ATF2: variants seen among roughly 807,000 people sequenced by gnomAD.
ATF2 encodes the protein cyclic AMP-dependent transcription factor ATF-2.
ATF2 carries 24 observed loss-of-function variants against 60.6 expected under a neutral mutation model. The ratio of observed to expected loss-of-function variants is 0.40; its 90% CI spans 0.29 to 0.56. ATF2 has a LOEUF of 0.56. ATF2 is among the 20% of genes least tolerant of loss of function. The pLI is 0.54. For synonymous variants in ATF2, 206 were observed against 215.4 expected, an observed-to-expected ratio of 0.96 and a Z score of 0.38; for missense variants, 433 against 607.7, an observed-to-expected ratio of 0.71 and a Z score of 3.02.
At chr2:175,077,650 G>A (rs1006890738) in intron 13 of ATF2, among the ~76,000 whole-genome samples, 4 of 152,148 alleles carry the variant, frequency 2.6e-5, no homozygotes, top group African/African-American at 9.7e-5. Flanking sequence ...AAATGAAACA[G>A]TAAATTATAA....
intron 1 of ATF2, among the ~76,000 whole-genome samples, chr2:175,159,987 T>C (rs570637751): frequency 1.3e-4 from 20 of 152,256 alleles, no homozygotes; most frequent in Admixed American, 9.8e-4. Flanking sequence ...AAAAAGAAAA[T>C]AGAAATAGAA....
intron 2 of ATF2, among the ~76,000 whole-genome samples, chr2:175,143,849 G>C (rs1274012466): frequency 2.0e-5 from 3 of 152,088 alleles, no homozygotes; most frequent in African/African-American, 7.2e-5. Flanking sequence ...CTGGAGTGCA[G>C]TGGCATGATC....
At chr2:175,135,394 A>C (rs78445957) in intron 3 of ATF2, among the ~76,000 whole-genome samples, 6,108 of 152,302 alleles carry the variant, frequency 0.04, 399 homozygotes, top group African/African-American at 0.14. Flanking sequence ...AGACAGAAAA[A>C]GAAGTTAAAC....
intron 4 of ATF2, among the ~76,000 whole-genome samples, chr2:175,124,095 G>A (rs56208854): frequency 0.91 from 137,587 of 151,784 alleles, 62,383 homozygotes; most frequent in East Asian, 1. Flanking sequence ...TATATTCCAA[G>A]AATAAGTTTT....
chr2:175,166,216 A>C (rs921131135), intron 1 of ATF2, among the ~76,000 whole-genome samples: 1 of 152,218 alleles, frequency 6.6e-6, no homozygotes, highest in Admixed American at 6.5e-5. Context: ...CTAAGTTCTA[A>C]ATTTCCACGA....
chr2:175,076,045 A>G (rs909375716), intron 13 of ATF2, among the ~76,000 whole-genome samples: 13 of 152,160 alleles, frequency 8.5e-5, no homozygotes, highest in Non-Finnish European at 1.8e-4. Context: ...CTGAAAGTCA[A>G]TTAGTGAAAA....
Position 175,074,389 on chromosome 2 carries a change from A to G in ATF2, c.*220T>C, listed in dbSNP as rs1251975844. On this transcript the variant is annotated 3_prime_UTR_variant, in exon 14 of 14. Coordinates refer to ENST00000264110, the MANE Select transcript of ATF2 (RefSeq NM_001880.4). Reference sequence around the variant, plus strand: ...CACAGAAAAATTAATAAATCTAATAATATTTATAAAAAAAGCAAAATCAGT... The same window carrying G: ...CACAGAAAAATTAATAAATCTAATAGTATTTATAAAAAAAGCAAAATCAGT... The G allele has an allele frequency of 2.7e-6, 1 of 366,964 alleles. No individual in the cohort carries two copies. Among genetic ancestry groups the G allele is most frequent in the Non-Finnish European group, 4.8e-6 (1 of 207,562 alleles). 22.7% of individuals were successfully genotyped at this position (366,964 alleles called of 1,614,324 possible). A position where few individuals can be genotyped will look rare whatever the true frequency, so the allele number is the denominator to read the frequency against.
At chr2:175,095,187 T>C (rs936987843) in intron 11 of ATF2, among the ~76,000 whole-genome samples, 7 of 151,948 alleles carry the variant, frequency 4.6e-5, no homozygotes, top group Non-Finnish European at 7.4e-5. Flanking sequence ...AACTTCCGCC[T>C]CCTGGGTTCC....
intron 4 of ATF2, among the ~76,000 whole-genome samples, chr2:175,127,405 A>G (rs1477000931): frequency 3.3e-5 from 5 of 152,094 alleles, no homozygotes; most frequent in Admixed American, 2.6e-4. Flanking sequence ...TCTCCAAAAC[A>G]TATGTCAAAT....
chr2:175,159,495 C>G (rs966180477), intron 1 of ATF2, among the ~76,000 whole-genome samples: 2 of 152,064 alleles, frequency 1.3e-5, no homozygotes, highest in Non-Finnish European at 2.9e-5. Flanking sequence ...CCCCCACTCA[C>G]AGCAGACATG....
chr2:175,128,223 G>A (rs534366806), intron 4 of ATF2, among the ~76,000 whole-genome samples: 43 of 152,316 alleles, frequency 2.8e-4, no homozygotes, highest in Non-Finnish European at 5.7e-4. Context: ...TCAACTGGCT[G>A]GGCGCGGTGG....
rs374209334 is a variant in ATF2 at position 175,105,106 on chromosome 2, T to G, written c.828+6462A>C. On this transcript the variant is annotated intron_variant, in intron 10 of 13. Coordinates refer to ENST00000264110, the MANE Select transcript of ATF2 (RefSeq NM_001880.4). ...GAATTATTGAGTACATAGCTTTACATGTATATAGCTTAGCGTGTTTAAGAT... is the reference window on the plus strand; with the variant it reads ...GAATTATTGAGTACATAGCTTTACAGGTATATAGCTTAGCGTGTTTAAGAT... Among the ~76,000 whole-genome samples the G allele has an allele frequency of 3.9e-5, 6 of 152,196 alleles. No individual in the cohort carries two copies. In the East Asian group the frequency reaches 1.2e-3, roughly 29 times the overall value.
intron 12 of ATF2, among the ~76,000 whole-genome samples, chr2:175,082,388 C>A (rs1456585298): frequency 6.6e-5 from 10 of 152,166 alleles, no homozygotes; most frequent in Admixed American, 5.2e-4. Flanking sequence ...TTAGGAAACA[C>A]CTTCTCCAAC....
At chr2:175,141,524 G>A (rs1221841839) in intron 2 of ATF2, among the ~76,000 whole-genome samples, 3 of 151,486 alleles carry the variant, frequency 2.0e-5, no homozygotes, top group Admixed American at 1.3e-4. Flanking sequence ...ACGGAGTCTC[G>A]CTCTGTCGTC....
chr2:175,142,708 AGAGAGAGAGAGAGTGT>A (rs1053385333), intron 2 of ATF2, among the ~76,000 whole-genome samples: 6 of 126,936 alleles, frequency 4.7e-5, no homozygotes, highest in Admixed American at 1.9e-4. Flanking sequence ...AGAGAGAGAG[AGAGAGAGAGAGAGTGT>A]GTGTGTGTGT....
In ATF2 at chr2:175,130,138, C is replaced by T. The variant is rs943481632; in HGVS notation, c.102G>A (p.Gln34=). The part of the protein sequence containing the change: ...PFLCTAPGCG[Q]RFTNEDHLAV... ...TAATTTAAAGTAATTTATATATTAC[C>T]TGGCCACATCCAGGCGCAGTACATA... Residue 34 remains glutamine, a splice_region_variant and synonymous_variant, in exon 4 of 14, where the codon CAG becomes CAA. Coordinates refer to ENST00000264110, the MANE Select transcript of ATF2 (RefSeq NM_001880.4). 2.5e-6 allele frequency: 4 copies of T among 1,577,248 alleles called. No individual in the cohort carries two copies. The highest frequency in any genetic ancestry group is 1.8e-5 in the Admixed American group (1 of 56,054).
rs1574485730 is a variant in ATF2 at position 175,149,379 on chromosome 2, C to A, written c.-44+1681G>T. On this transcript the variant is annotated intron_variant, in intron 2 of 13. Transcript: ENST00000264110. ...TCAGTCTCCCAGTCTCCCACTCCCC[C>A]ATTAAAGAAAAAGTTTGTCTAACTC... is the stretch of plus-strand genomic sequence containing the variant. Among the ~76,000 whole-genome samples the A allele has an allele frequency of 5.3e-5, 8 of 152,312 alleles. No individual in the cohort carries two copies. In the South Asian group the frequency reaches 1.7e-3, roughly 32 times the overall value.
intron 12 of ATF2, among the ~76,000 whole-genome samples, chr2:175,081,686 G>A (rs1031679235): frequency 1.3e-5 from 2 of 152,098 alleles, no homozygotes; most frequent in African/African-American, 4.8e-5. Flanking sequence ...AGAAAATATA[G>A]CAAACAGGTG....
intron 12 of ATF2, among the ~76,000 whole-genome samples, chr2:175,092,838 T>C (rs1193928887): frequency 1.3e-5 from 2 of 152,138 alleles, no homozygotes; most frequent in Non-Finnish European, 2.9e-5. Flanking sequence ...TGTACACAGG[T>C]AAACACATTT....
Sources: allele counts gnomAD v4.1 joint callset (sites outside exome capture counted in the v4.1 genomes callset), GRCh38; gene constraint gnomAD v4.1.1; transcripts MANE v1.5; gene names NCBI Gene and HGNC (gene_info 2026-07-23, HGNC 2026-07-21).